CERT1: variants seen among roughly 807,000 people sequenced by gnomAD.
CERT1 encodes the protein ceramide transfer protein.
Under a neutral mutation model 87.9 loss-of-function variants are expected in CERT1, and 31 were observed. The observed-to-expected ratio is 0.35, with a 90% CI of 0.27 to 0.48. CERT1 has a LOEUF of 0.48. Among genes scored for constraint, CERT1 ranks in the 20% least tolerant of loss-of-function variants. The probability of loss-of-function intolerance (pLI) is 0.99; values close to 1 mark genes in which losing one functional copy is unlikely to be tolerated. For missense variants in CERT1, 487 were observed against 758.0 expected, an observed-to-expected ratio of 0.64 and a Z score of 4.20; for synonymous variants, 289 against 250.9, an observed-to-expected ratio of 1.15 and a Z score of -1.44.
intron 15 of CERT1, 75 bp from the exon 16 acceptor site, chr5:75,381,276 G>A (rs1332759187): frequency 1.7e-5 from 26 of 1,521,834 alleles, no homozygotes; most frequent in Non-Finnish European, 1.5e-5. Flanking sequence ...ATTATATTAG[G>A]TTAACCAAAA....
At chr5:75,472,875 A>C (rs893357407) in intron 2 of CERT1, among the ~76,000 whole-genome samples, 12 of 152,222 alleles carry the variant, frequency 7.9e-5, no homozygotes, top group African/African-American at 2.9e-4. Flanking sequence ...AATTAAAAAA[A>C]AACTACCATA....
At chr5:75,485,332 A>AAC (rs1766470776) in intron 2 of CERT1, among the ~76,000 whole-genome samples, 1 of 149,094 alleles carries the variant, frequency 6.7e-6, no homozygotes, top group Non-Finnish European at 1.5e-5. Flanking sequence ...AAAAAAAAAA[A>AAC]AAAAAGAACA....
At chr5:75,372,272 TG>T (rs1761110901) in intron 17 of CERT1, 1 of 152,196 alleles carries the variant, frequency 6.6e-6, no homozygotes, top group African/African-American at 2.4e-5. Flanking sequence ...AGAATTTTTT[TG>T]AAGATTCTTA....
intron 2 of CERT1, among the ~76,000 whole-genome samples, chr5:75,497,859 C>G (rs995349990): frequency 6.6e-6 from 1 of 152,064 alleles, no homozygotes; most frequent in Non-Finnish European, 1.5e-5. Flanking sequence ...GTGGAAGCAA[C>G]TCTGGAATTG....
At chr5:75,379,528 T>C (rs1761470341) in intron 16 of CERT1, 55 bp from the exon 17 acceptor site, 13 of 1,479,940 alleles carry the variant, frequency 8.8e-6, no homozygotes, top group Non-Finnish European at 1.2e-5. Flanking sequence ...CAAACATATG[T>C]GAAGCACTTA....
At chr5:75,471,323 A>C (rs925803799) in intron 2 of CERT1, among the ~76,000 whole-genome samples, 1 of 152,184 alleles carries the variant, frequency 6.6e-6, no homozygotes. Context: ...AATACTTTAG[A>C]CAATTATTAT....
intron 3 of CERT1, among the ~76,000 whole-genome samples, chr5:75,443,429 G>C (rs1436259661): frequency 6.6e-6 from 1 of 152,028 alleles, no homozygotes; most frequent in Non-Finnish European, 1.5e-5. Context: ...AATTTCCCTT[G>C]TAATTTTTTC....
Position 75,381,198 on chromosome 5 carries a change from T to C in CERT1, c.1621A>G (p.Asn541Asp). The C allele has an allele frequency of 6.2e-7, 1 of 1,614,148 alleles. No individual in the cohort carries two copies. The highest frequency in any genetic ancestry group is 8.5e-7 in the Non-Finnish European group (1 of 1,180,004). ...ATTTTGGCACGGACACATCGGTTGT[T>C]TAGCTGCCAAAACAAAAAACAAAGC... ...FSVDHDSAPL[N>D]NRCVRAKINV... Residue 541 changes from asparagine (N) to aspartate (D), a missense_variant, in exon 16 of 17, where the codon AAC becomes GAC. By Grantham distance (23) the Asn-to-Asp change is conservative. Coordinates refer to ENST00000643780, the MANE Select transcript of CERT1 (RefSeq NM_001379029.1).
At chr5:75,425,815 TAAAC>T (rs2112185221) in intron 4 of CERT1, among the ~76,000 whole-genome samples, 1 of 152,344 alleles carries the variant, frequency 6.6e-6, no homozygotes, top group South Asian at 2.1e-4. Context: ...ATTTTCAAAT[TAAAC>T]AAAATTGTGT....
At chr5:75,389,708 G>A in intron 11 of CERT1, 21 bp from the exon 12 acceptor site, 1 of 1,572,818 alleles carries the variant, frequency 6.4e-7, no homozygotes, top group South Asian at 1.1e-5. Context: ...GAGGAAAAAG[G>A]CATGAGAATC....
chr5:75,496,846 T>C (rs1341719841), intron 2 of CERT1, among the ~76,000 whole-genome samples: 1 of 152,226 alleles, frequency 6.6e-6, no homozygotes, highest in African/African-American at 2.4e-5. Context: ...GGAAATATTT[T>C]ATATACTCAT....
chr5:75,493,272 A>T (rs1190800361), intron 2 of CERT1, among the ~76,000 whole-genome samples: 1 of 152,180 alleles, frequency 6.6e-6, no homozygotes, highest in Non-Finnish European at 1.5e-5. Flanking sequence ...ATCAATTCAT[A>T]CCCTTCCAAA....
chr5:75,400,089 G>C, intron 10 of CERT1, 116 bp downstream of exon 10: 1 of 720,376 alleles, frequency 1.4e-6, no homozygotes, highest in Non-Finnish European at 2.3e-6. Context: ...CCGAGATCGC[G>C]CCACTGCACT....
intron 2 of CERT1, among the ~76,000 whole-genome samples, chr5:75,498,313 G>C (rs1767172356): frequency 6.6e-6 from 1 of 152,182 alleles, no homozygotes; most frequent in Non-Finnish European, 1.5e-5. Context: ...AAGTAACAAG[G>C]AGCTAAATGT....
intron 2 of CERT1, among the ~76,000 whole-genome samples, chr5:75,461,873 C>G (rs1007072418): frequency 6.7e-6 from 1 of 148,716 alleles, no homozygotes; most frequent in African/African-American, 2.5e-5. Context: ...AAGGAAATGA[C>G]AGATTTGGTT....
At chr5:75,472,260 T>C (rs949439662) in intron 2 of CERT1, among the ~76,000 whole-genome samples, 2 of 152,216 alleles carry the variant, frequency 1.3e-5, no homozygotes, top group African/African-American at 2.4e-5. Context: ...CTTCTCACTA[T>C]TATGCAAAAT....
At chr5:75,376,574 A>G (rs188069106), downstream of CERT1, 52 of 152,318 alleles carry the variant, frequency 3.4e-4, no homozygotes, top group African/African-American at 1.2e-3. Context: ...CTCAGAATCG[A>G]TAAGAAGTAA....
intron 2 of CERT1, among the ~76,000 whole-genome samples, chr5:75,473,369 A>T (rs957760774): frequency 2.0e-5 from 3 of 152,236 alleles, no homozygotes; most frequent in African/African-American, 7.2e-5. Context: ...TACAGGCATG[A>T]GCCACCAAAT....
At chr5:75,448,307 C>T (rs1449133936) in intron 3 of CERT1, among the ~76,000 whole-genome samples, 1 of 152,138 alleles carries the variant, frequency 6.6e-6, no homozygotes, top group Non-Finnish European at 1.5e-5. Flanking sequence ...CTATCTTAAT[C>T]ATTATTTGCC....
Sources: gnomAD v4.1 joint callset for allele counts (sites outside exome capture counted in the v4.1 genomes callset) on GRCh38, gnomAD v4.1.1 for gene constraint, MANE v1.5 for transcripts, NCBI Gene and HGNC (gene_info 2026-07-23, HGNC 2026-07-21) for gene names.